The following SDHD variants were observed in gnomAD, a reference collection of about 807,000 sequenced individuals.
SDHD encodes the protein succinate dehydrogenase [ubiquinone] cytochrome b small subunit, mitochondrial.
Under a neutral mutation model 18.7 loss-of-function variants are expected in SDHD, and 6 were observed. The observed-to-expected ratio is 0.32, with a 90% CI of 0.18 to 0.63. SDHD has a LOEUF of 0.63. SDHD is among the 30% of genes least tolerant of loss of function. The probability of loss-of-function intolerance (pLI) is 0.79; values close to 1 mark genes in which losing one functional copy is unlikely to be tolerated. For missense variants in SDHD, 160 were observed against 192.7 expected, an observed-to-expected ratio of 0.83 and a Z score of 1.00; for synonymous variants, 56 against 73.9, an observed-to-expected ratio of 0.76 and a Z score of 1.24.
intron 2 of SDHD, 105 bp from the exon 3 acceptor site, chr11:112,088,762 C>T: frequency 1.6e-6 from 2 of 1,212,730 alleles, no homozygotes; most frequent in Non-Finnish European, 2.4e-6. Flanking sequence ...GAGTTATATC[C>T]TATATGTACA....
chr11:112,089,143 A>C, intron 3 of SDHD, 132 bp downstream of exon 3: 1 of 835,168 alleles, frequency 1.2e-6, no homozygotes, highest in Non-Finnish European at 1.9e-6. Context: ...TATATATAAA[A>C]TATGTATATG....
At position 112,086,956 on chromosome 11, in the gene SDHD, C is replaced by G. The variant is rs1314133983; in HGVS notation, c.49C>G (p.Arg17Gly). ...LSAVCGALGG[R>G]ALLLRTPVVR... ...TGCCGTTTGCGGTGCCCTAGGAGGCCGAGGTGAGGGGTCTTCCCACCCTGA... is the reference window on the plus strand; with the variant it reads ...TGCCGTTTGCGGTGCCCTAGGAGGCGGAGGTGAGGGGTCTTCCCACCCTGA... Residue 17 changes from arginine (R) to glycine (G), a missense_variant, in exon 1 of 4, where the codon CGA becomes GGA. Transcript: ENST00000375549. 2 of 1,613,964 alleles carry G rather than the reference C, an allele frequency of 1.2e-6. No individual in the cohort carries two copies. The highest frequency in any genetic ancestry group is 1.7e-6 in the Non-Finnish European group (2 of 1,180,008).
intron 2 of SDHD, chr11:112,088,522 C>G (rs554675602): frequency 7.0e-5 from 26 of 371,686 alleles, no homozygotes; most frequent in Admixed American, 1.1e-4. Flanking sequence ...GGACCACTAA[C>G]TTACATTCAT....
chr11:112,090,984 C>G, intron 3 of SDHD: 1 of 430,664 alleles, frequency 2.3e-6, no homozygotes, highest in Non-Finnish European at 3.1e-6. Flanking sequence ...GTGTGAACCA[C>G]CGTGCCCAGC....
rs1272484242 is a variant in SDHD, at chr11:112,094,751, T to C, written c.315-54T>C. ...TTGCAGCCAAGTTATCTGTATAGTC[T>C]TCTAATTTCACTGTGGTTTTTTATT... On this transcript the variant is annotated intron_variant, in intron 3 of 3. Transcript: ENST00000375549. The C allele has an allele frequency of 2.6e-6, 4 of 1,525,174 alleles. No individual in the cohort carries two copies. In the African/African-American group the frequency reaches 5.5e-5, roughly 21 times the overall value. 94.5% of individuals were successfully genotyped at this position (1,525,174 alleles called of 1,614,324 possible). A position where few individuals can be genotyped will look rare whatever the true frequency, so the allele number is the denominator to read the frequency against.
At chr11:112,088,388 C>T (rs1487691672) in intron 2 of SDHD, 5 of 335,836 alleles carry the variant, frequency 1.5e-5, no homozygotes, top group Admixed American at 8.8e-5. Flanking sequence ...TTAGTAGAGA[C>T]GGGTTTCACC....
chr11:112,092,157 G>A (rs1365413611), intron 3 of SDHD, among the ~76,000 whole-genome samples: 1 of 151,980 alleles, frequency 6.6e-6, no homozygotes, highest in African/African-American at 2.4e-5. Flanking sequence ...AACCCTAGAT[G>A]ACGGGTTGAT....
At chr11:112,088,796 T>C in intron 2 of SDHD, 71 bp from the exon 3 acceptor site, 1 of 1,560,994 alleles carries the variant, frequency 6.4e-7, no homozygotes, top group Non-Finnish European at 8.8e-7. Flanking sequence ...TGGGTTACTG[T>C]GTGGCATATG....
rs181050105 is a variant in SDHD, at chr11:112,089,934, C to T, written c.314+923C>T. On this transcript the variant is annotated intron_variant, in intron 3 of 3. Coordinates refer to ENST00000375549, the MANE Select transcript of SDHD (RefSeq NM_003002.4). ...ATATCCCTAAATAGTATAGTTTATT[C>T]TTGCCTCTTAAAAAAAAAAAAGAGA... Among the ~76,000 whole-genome samples, 3 of 150,778 alleles carry T rather than the reference C, an allele frequency of 2.0e-5. No homozygotes were observed. In the East Asian group the frequency reaches 5.8e-4, roughly 29 times the overall value.
intron 1 of SDHD, among the ~76,000 whole-genome samples, 154 bp from the exon 2 acceptor site, chr11:112,087,703 C>T (rs1865644721): frequency 6.6e-6 from 1 of 152,206 alleles, no homozygotes; most frequent in Non-Finnish European, 1.5e-5. Context: ...CTTAACTTCA[C>T]AGTAACCCCA....
In SDHD at chr11:112,095,584, G is replaced by A. The variant is rs952084175; in HGVS notation, c.*614G>A. On this transcript the variant is annotated 3_prime_UTR_variant, in exon 4 of 4. Coordinates refer to ENST00000375549, the MANE Select transcript of SDHD (RefSeq NM_003002.4). Reference sequence around the variant, plus strand: ...GTTCCATTTAAGGGCAAGTTTCCCTGTAGATGTATCAAAATACTACCAACT... The same window carrying A: ...GTTCCATTTAAGGGCAAGTTTCCCTATAGATGTATCAAAATACTACCAACT... 4.4e-6 allele frequency: 1 copy of A among 229,684 alleles called. No individual in the cohort carries two copies. The allele number at this position is 229,684 out of a possible 1,614,324, so 14.2% of individuals were successfully genotyped here.
intron 3 of SDHD, among the ~76,000 whole-genome samples, chr11:112,090,649 G>A (rs935896271): frequency 1.3e-5 from 2 of 152,070 alleles, no homozygotes; most frequent in African/African-American, 4.8e-5. Flanking sequence ...AAGACCCAGG[G>A]AGGTTAAGTG....
intron 2 of SDHD, chr11:112,088,274 A>T (rs897461400): frequency 2.6e-6 from 1 of 385,744 alleles, no homozygotes; most frequent in African/African-American, 2.1e-5. Flanking sequence ...ATCTCGGCTC[A>T]CTGCAACCTC....
chr11:112,086,978 C>T lies in SDHD; in HGVS notation c.52+19C>T, dbSNP rs1566690388. ...GGCCGAGGTGAGGGGTCTTCCCACC[C>T]TGAGGTGCTTAGCGTAGCCTCCAGC... On this transcript the variant is annotated intron_variant, in intron 1 of 3. Coordinates refer to ENST00000375549, the MANE Select transcript of SDHD (RefSeq NM_003002.4). 1 of 1,613,818 alleles carries T rather than the reference C, an allele frequency of 6.2e-7. No individual in the cohort carries two copies. The highest frequency in any genetic ancestry group is 8.5e-7 in the Non-Finnish European group (1 of 1,179,854).
At chr11:112,089,760 AT>A (rs981539384) in intron 3 of SDHD, among the ~76,000 whole-genome samples, 1 of 152,082 alleles carries the variant, frequency 6.6e-6, no homozygotes, top group African/African-American at 2.4e-5. Context: ...CTAACCACTT[AT>A]TCAAAATTGC....
Position 112,088,940 on chromosome 11 carries a change from G to C in SDHD, c.243G>C (p.Pro81=), listed in dbSNP as rs575262156. The C allele has an allele frequency of 3.1e-6, 5 of 1,613,792 alleles. No homozygotes were observed. Among genetic ancestry groups the C allele is most frequent in the East Asian group, 4.5e-5 (2 of 44,878 alleles). ...VVSVLLLGLL[P]AAYLNPCSAM... ...GTGTTTTGCTCCTGGGTCTGCTTCCGGCTGCTTATTTGAATCCTTGCTCTG... is the reference window on the plus strand; with the variant it reads ...GTGTTTTGCTCCTGGGTCTGCTTCCCGCTGCTTATTTGAATCCTTGCTCTG... Residue 81 remains proline, a synonymous_variant, in exon 3 of 4, where the codon CCG becomes CCC. Coordinates refer to ENST00000375549, the MANE Select transcript of SDHD (RefSeq NM_003002.4).
intron 3 of SDHD, among the ~76,000 whole-genome samples, chr11:112,090,532 A>G (rs1865724709): frequency 6.6e-6 from 1 of 152,132 alleles, no homozygotes; most frequent in Non-Finnish European, 1.5e-5. Flanking sequence ...TGCAAGGGAC[A>G]ATATGTTGTC....
chr11:112,087,994 C>A (rs201983791), intron 2 of SDHD, 21 bp downstream of exon 2: 179 of 1,507,742 alleles, frequency 1.2e-4, no homozygotes, highest in Non-Finnish European at 1.6e-4. Context: ...TCCATCGCTG[C>A]TGCTTTCTGG....
At chr11:112,092,575 C>T (rs996987442) in intron 3 of SDHD, among the ~76,000 whole-genome samples, 10 of 152,186 alleles carry the variant, frequency 6.6e-5, no homozygotes, top group African/African-American at 2.4e-4. Context: ...TGAGATGCCA[C>T]CTCACACCCC....
Sources: gnomAD v4.1 joint callset for allele counts (sites outside exome capture counted in the v4.1 genomes callset) on GRCh38, gnomAD v4.1.1 for gene constraint, MANE v1.5 for transcripts, NCBI Gene and HGNC (gene_info 2026-07-23, HGNC 2026-07-21) for gene names.